HPCAL1: variants seen among roughly 807,000 people sequenced by gnomAD.
HPCAL1 encodes the protein hippocalcin-like protein 1.
HPCAL1 carries 8 observed loss-of-function variants against 17.1 expected under a neutral mutation model. The observed-to-expected ratio is 0.47, with a 90% CI of 0.27 to 0.84. The LOEUF is 0.84. HPCAL1 is among the 40% of genes least tolerant of loss of function. HPCAL1 has a pLI of 0.13. For missense variants in HPCAL1, 165 were observed against 271.1 expected (o/e 0.61, Z 2.75); for synonymous variants, 112 against 111.4 (o/e 1.01, Z -0.03).
At chr2:10,324,215 C>T (rs1029766608) in intron 1 of HPCAL1, 8 of 152,154 alleles carry the variant, frequency 5.3e-5, no homozygotes, top group African/African-American at 7.2e-5. Flanking sequence ...TTTTGAGAAC[C>T]GGATCAATCA....
intron 1 of HPCAL1, among the ~76,000 whole-genome samples, chr2:10,316,678 G>A (rs749470790): frequency 3.9e-5 from 6 of 152,178 alleles, no homozygotes; most frequent in Non-Finnish European, 7.3e-5. Flanking sequence ...ATTAATTCCA[G>A]GGTGAACAAA....
At position 10,420,036 on chromosome 2, in the gene HPCAL1, G is replaced by A. The variant is rs534299016; in HGVS notation, c.279G>A (p.Ser93=). Residue 93 remains serine (S), a synonymous_variant, in exon 3 of 5, where the codon TCG becomes TCA. Transcript: ENST00000307845. ...TCATCATTGCGCTGAGCGTGACCTCGCGGGGCAAGCTGGAGCAGAAGCTCA... is the reference window on the plus strand; with the variant it reads ...TCATCATTGCGCTGAGCGTGACCTCACGGGGCAAGCTGGAGCAGAAGCTCA... The part of the protein sequence containing the change: ...REFIIALSVT[S]RGKLEQKLKW... 8.1e-6 allele frequency: 13 copies of A among 1,613,776 alleles called. No homozygotes were observed. In the African/African-American group the frequency reaches 1.6e-4, roughly 20 times the overall value.
intron 1 of HPCAL1, among the ~76,000 whole-genome samples, chr2:10,341,152 T>G (rs1665050587): frequency 6.6e-6 from 1 of 152,098 alleles, no homozygotes; most frequent in Non-Finnish European, 1.5e-5. Flanking sequence ...GGTCTAGATT[T>G]ATGATAGAAA....
Position 10,359,043 on chromosome 2 carries a change from C to T in HPCAL1, c.-110-37792C>T, listed in dbSNP as rs1336843156. ...TGCATGCTCCCCTTGAGGTTTGACCCGTCTGCATGCTCCCCTCGAGGTTTG... is the reference window on the plus strand; with the variant it reads ...TGCATGCTCCCCTTGAGGTTTGACCTGTCTGCATGCTCCCCTCGAGGTTTG... On this transcript the variant is annotated intron_variant, in intron 1 of 4. Coordinates refer to ENST00000307845, the MANE Select transcript of HPCAL1 (RefSeq NM_002149.4). The surrounding 1 kb of genome is among the most constrained non-coding windows in gnomAD (Gnocchi z 4.1). Among the ~76,000 whole-genome samples the T allele has an allele frequency of 2.6e-5, 4 of 151,862 alleles. No individual in the cohort carries two copies. The highest frequency in any genetic ancestry group is 5.9e-5 in the Non-Finnish European group (4 of 67,954).
In HPCAL1 at chr2:10,363,466, G is replaced by T. The variant is rs1404718761; in HGVS notation, c.-110-33369G>T. ...TGGCTGTTTGTAGGAGCTTCCAGAAGCGACCTTTCGGGATGCCTCTTACAT... is the reference window on the plus strand; with the variant it reads ...TGGCTGTTTGTAGGAGCTTCCAGAATCGACCTTTCGGGATGCCTCTTACAT... On this transcript the variant is annotated intron_variant, in intron 1 of 4. Coordinates refer to ENST00000307845, the MANE Select transcript of HPCAL1 (RefSeq NM_002149.4). This position sits in a 1 kb window ranked among gnomAD's most constrained non-coding sequence, Gnocchi z 4.7. Among the ~76,000 whole-genome samples, 1 of 152,172 alleles carries T rather than the reference G, an allele frequency of 6.6e-6. No homozygotes were observed. Among genetic ancestry groups the T allele is most frequent in the South Asian group, 2.1e-4 (1 of 4,834 alleles).
chr2:10,400,078 C>G (rs1052934374), intron 2 of HPCAL1, among the ~76,000 whole-genome samples: 1 of 152,174 alleles, frequency 6.6e-6, no homozygotes, highest in African/African-American at 2.4e-5. Flanking sequence ...GGAAGGCCTT[C>G]CTGAGATGAG....
chr2:10,373,858 A>C (rs997115180), intron 1 of HPCAL1, among the ~76,000 whole-genome samples: 12 of 152,226 alleles, frequency 7.9e-5, no homozygotes, highest in Non-Finnish European at 1.5e-4. Flanking sequence ...ACCAAGGTCA[A>C]ATCTTTGGAA....
intron 2 of HPCAL1, among the ~76,000 whole-genome samples, chr2:10,399,690 C>T (rs1359583055): frequency 1.3e-5 from 2 of 151,850 alleles, no homozygotes; most frequent in African/African-American, 4.8e-5. Context: ...AGGTGATGGG[C>T]ACTGGAAGGG....
At chr2:10,324,816 G>GTTTTTTTTTT (rs3036350) in intron 1 of HPCAL1, among the ~76,000 whole-genome samples, 12 of 66,384 alleles carry the variant, frequency 1.8e-4, no homozygotes, top group Admixed American at 8.7e-4. Flanking sequence ...TGGTTTTTGT[G>GTTTTTTTTTT]TTTTTTTTTT....
At chr2:10,387,158 G>T (rs1204450657) in intron 1 of HPCAL1, among the ~76,000 whole-genome samples, 1 of 152,254 alleles carries the variant, frequency 6.6e-6, no homozygotes, top group East Asian at 1.9e-4. Flanking sequence ...AAGGGCTCCT[G>T]AGGGGACCCG....
chr2:10,383,434 C>A (rs765143476), intron 1 of HPCAL1, among the ~76,000 whole-genome samples: 1 of 152,096 alleles, frequency 6.6e-6, no homozygotes, highest in Non-Finnish European at 1.5e-5. Context: ...ACGATCTCGG[C>A]TCACTGCAAC....
chr2:10,379,253 G>A (rs1667787988), intron 1 of HPCAL1, among the ~76,000 whole-genome samples: 1 of 151,762 alleles, frequency 6.6e-6, no homozygotes, highest in African/African-American at 2.4e-5. Flanking sequence ...CCAAAAACCC[G>A]TGCCTCCCTC....
At position 10,427,546 on chromosome 2, in the gene HPCAL1, C is replaced by T. The variant is rs1671498538; in HGVS notation, c.*725C>T. On this transcript the variant is annotated 3_prime_UTR_variant, in exon 5 of 5. Transcript: ENST00000307845. The stretch of plus-strand genomic sequence containing the variant: ...GTGTTGTGAGCACAGGCATTTGTGT[C>T]TGGTCTGTCCTCCCTGTTGATTGGT... 1 of 152,252 alleles carries T rather than the reference C, an allele frequency of 6.6e-6. No individual in the cohort carries two copies. The highest frequency in any genetic ancestry group is 2.1e-4 in the South Asian group (1 of 4,834). 9.4% of individuals were successfully genotyped at this position (152,252 alleles called of 1,614,324 possible).
chr2:10,339,399 G>T (rs565680901), intron 1 of HPCAL1, among the ~76,000 whole-genome samples: 1 of 152,062 alleles, frequency 6.6e-6, no homozygotes, highest in African/African-American at 2.4e-5. Flanking sequence ...TCCGCCTCCC[G>T]GGTTTAAGCA....
rs1662367178 is a variant in HPCAL1, at chr2:10,303,053, G to C, written c.-235G>C. On this transcript the variant is annotated 5_prime_UTR_variant, in exon 1 of 5. Transcript: ENST00000307845. The stretch of plus-strand genomic sequence containing the variant: ...CAGCTGCGGGCGCACGGAGGCCCGC[G>C]CTGCTAGTCACTCCTCCCGGCCTCG... The C allele has an allele frequency of 6.6e-6, 1 of 151,848 alleles. No individual in the cohort carries two copies. The highest frequency in any genetic ancestry group is 1.5e-5 in the Non-Finnish European group (1 of 67,926). 9.4% of individuals were successfully genotyped at this position (151,848 alleles called of 1,614,324 possible). A position where few individuals can be genotyped will look rare whatever the true frequency, so the allele number is the denominator to read the frequency against.
At chr2:10,319,787 GTC>G (rs1198398333) in intron 1 of HPCAL1, among the ~76,000 whole-genome samples, 2 of 151,874 alleles carry the variant, frequency 1.3e-5, no homozygotes, top group Non-Finnish European at 2.9e-5. Context: ...CTATGTGCCA[GTC>G]TCTGTGCTAA....
chr2:10,337,286 T>C (rs79184295), intron 1 of HPCAL1, among the ~76,000 whole-genome samples: 3,714 of 152,292 alleles, frequency 0.024, 74 homozygotes, highest in Admixed American at 0.041. Flanking sequence ...TCTTCGTGCC[T>C]CCTCACGTAT....
chr2:10,349,442 T>C (rs1463083851), intron 1 of HPCAL1, among the ~76,000 whole-genome samples: 1 of 151,848 alleles, frequency 6.6e-6, no homozygotes, highest in Non-Finnish European at 1.5e-5. Context: ...GCACGGTGGC[T>C]CACACCTGTA....
rs1340733685 is a variant in HPCAL1 at position 10,399,545 on chromosome 2, CACCGCCACCACT to C, written c.-25+2635_-25+2646del. 4.7e-4 allele frequency among the ~76,000 whole-genome samples: 48 copies of C among 102,400 alleles called. 3 individuals carry two copies. The highest frequency in any genetic ancestry group is 8.7e-4 in the Non-Finnish European group (45 of 51,658). The allele number at this position is 102,400 out of a possible 152,430, so 67.2% of individuals were successfully genotyped here. ...CCACCGCCACTGCCACCGCCACCAT[CACCGCCACCACT>C]ACCGCCACCGCCACCACCACCGCCA... On this transcript the variant is annotated intron_variant, in intron 2 of 4. Transcript: ENST00000307845.
Sources: gnomAD v4.1 joint callset for allele counts (sites outside exome capture counted in the v4.1 genomes callset) on GRCh38, gnomAD v4.1.1 for gene constraint, Gnocchi (gnomAD v3.1) non-coding constraint, MANE v1.5 for transcripts, NCBI Gene and HGNC (gene_info 2026-07-23, HGNC 2026-07-21) for gene names.